Variants in PTGR1 observed in about 807,000 individuals in gnomAD.
PTGR1 encodes the protein 15-oxoprostaglandin 13-reductase.
A neutral mutation model predicts 37.7 loss-of-function variants in PTGR1; 23 were observed. That is an observed-to-expected ratio of 0.61 (90% CI 0.44 to 0.86). The LOEUF (loss-of-function observed/expected upper bound fraction) is 0.86, where lower values mean the gene tolerates loss of function less well. Among genes scored for constraint, PTGR1 ranks in the 40% least tolerant of loss-of-function variants. The pLI is 0.00. For missense variants in PTGR1, 351 were observed against 394.3 expected, an observed-to-expected ratio of 0.89 and a Z score of 0.93; for synonymous variants, 134 against 140.0, an observed-to-expected ratio of 0.96 and a Z score of 0.30.
At chr9:111,588,260 G>C (rs1829502629) in intron 4 of PTGR1, among the ~76,000 whole-genome samples, 1 of 149,138 alleles carries the variant, frequency 6.7e-6, no homozygotes, top group Non-Finnish European at 1.5e-5. Context: ...ACAGTGGCGT[G>C]ATCTCAGCTC....
chr9:111,597,588 T>C (rs1277045820), intron 1 of PTGR1, among the ~76,000 whole-genome samples, 156 bp from the exon 2 acceptor site: 1 of 152,232 alleles, frequency 6.6e-6, no homozygotes, highest in African/African-American at 2.4e-5. Flanking sequence ...ATTTACTATG[T>C]TTCTGGTGCT....
At chr9:111,552,985 G>A (rs1409354454) in intron 9 of PTGR1, among the ~76,000 whole-genome samples, 1 of 152,120 alleles carries the variant, frequency 6.6e-6, no homozygotes, top group Non-Finnish European at 1.5e-5. Flanking sequence ...AGATGCATGT[G>A]TAAGAAGCTA....
chr9:111,568,872 G>A lies in PTGR1; in HGVS notation c.879+1219C>T, dbSNP rs185895444. Among the ~76,000 whole-genome samples, 422 of 152,272 alleles carry A rather than the reference G, an allele frequency of 2.8e-3. 2 individuals carry two copies. Among genetic ancestry groups the A allele is most frequent in the Non-Finnish European group, 4.5e-3 (305 of 68,020 alleles). On this transcript the variant is annotated intron_variant, in intron 9 of 9. Coordinates refer to ENST00000407693, the MANE Select transcript of PTGR1 (RefSeq NM_001146108.2). ...CTAGAAGGCATGGTGCCTGGACCAG[G>A]GTGGTAGCAGGGAGGTGGGAGAAGT...
At chr9:111,576,533 A>C (rs569006170) in intron 7 of PTGR1, 3 of 1,351,204 alleles carry the variant, frequency 2.2e-6, no homozygotes, top group East Asian at 2.3e-5. Flanking sequence ...ATGAATCCCA[A>C]CTCTGGGGGT....
intron 2 of PTGR1, among the ~76,000 whole-genome samples, chr9:111,596,490 C>T (rs1022962179): frequency 3.3e-5 from 5 of 152,154 alleles, no homozygotes; most frequent in Admixed American, 2.6e-4. Flanking sequence ...GTGGCTCACG[C>T]CTGTAATCCC....
chr9:111,559,418 T>TGCCCCTGCC (rs1440961513), downstream of PTGR1, among the ~76,000 whole-genome samples: 29 of 152,142 alleles, frequency 1.9e-4, no homozygotes, highest in African/African-American at 7.0e-4. Flanking sequence ...CAGGCCCTGC[T>TGCCCCTGCC]GCCCCTGCCC....
At chr9:111,556,698 A>C (rs1272811968) in intron 9 of PTGR1, among the ~76,000 whole-genome samples, 1 of 152,170 alleles carries the variant, frequency 6.6e-6, no homozygotes, top group Non-Finnish European at 1.5e-5. Context: ...TGTTGTTCTC[A>C]TGATAGTGAG....
chr9:111,559,830 G>A (rs969581330), downstream of PTGR1, among the ~76,000 whole-genome samples: 3 of 152,068 alleles, frequency 2.0e-5, no homozygotes, highest in African/African-American at 7.2e-5. Context: ...AAGAGGACAC[G>A]GGCAGTGACT....
At chr9:111,554,413 A>G (rs1828061849) in intron 9 of PTGR1, among the ~76,000 whole-genome samples, 1 of 152,162 alleles carries the variant, frequency 6.6e-6, no homozygotes, top group African/African-American at 2.4e-5. Flanking sequence ...GAGCACATAG[A>G]TTATTTCTAC....
chr9:111,592,669 G>A, intron 4 of PTGR1: 1 of 413,382 alleles, frequency 2.4e-6, no homozygotes, highest in Admixed American at 4.1e-5. Context: ...ATCATGACCT[G>A]GACAAATACT....
downstream of PTGR1, among the ~76,000 whole-genome samples, chr9:111,560,972 TATAGAGAGAGAGAGAGAGAGAG>T (rs1469563455): frequency 1.1e-3 from 24 of 21,318 alleles, no homozygotes; most frequent in Admixed American, 2.2e-3. Context: ...TATATATATA[TATAGAGAGAGAGAGAGAGAGAG>T]AGAGAGAGAG....
intron 8 of PTGR1, 85 bp downstream of exon 8, chr9:111,574,649 C>G: frequency 1.3e-6 from 1 of 774,548 alleles, no homozygotes; most frequent in Non-Finnish European, 2.0e-6. Flanking sequence ...CTAATAATTT[C>G]AGAGTCACTG....
Position 111,578,796 on chromosome 9 carries a change from A to G in PTGR1, c.651T>C (p.Asn217=). The G allele has an allele frequency of 1.2e-6, 2 of 1,602,068 alleles. No homozygotes were observed. The highest frequency in any genetic ancestry group is 1.4e-5 in the African/African-American group (1 of 74,004). The change falls in exon 7 of 10, where the codon AAT becomes AAC. Residue 217 remains asparagine (N), a splice_region_variant and synonymous_variant. Coordinates refer to ENST00000407693, the MANE Select transcript of PTGR1 (RefSeq NM_001146108.2). Reference sequence around the variant, plus strand: ...GATATTAAGTCCAGTTTGTACTTACATTATCAAAATAACAATCATAACCAT... The same window carrying G: ...GATATTAAGTCCAGTTTGTACTTACGTTATCAAAATAACAATCATAACCAT... ...SPDGYDCYFD[N]VGGEFSNTVI...
chr9:111,561,332 G>A (rs1486341547), downstream of PTGR1, among the ~76,000 whole-genome samples: 1 of 151,868 alleles, frequency 6.6e-6, no homozygotes, highest in Non-Finnish European at 1.5e-5. Context: ...CTGGAGTGCA[G>A]TGGTACAGTC....
chr9:111,571,634 C>A (rs1006252944), intron 8 of PTGR1, among the ~76,000 whole-genome samples: 1 of 150,924 alleles, frequency 6.6e-6, no homozygotes, highest in Non-Finnish European at 1.5e-5. Context: ...CATGCCACCA[C>A]ACCTGGCTAA....
chr9:111,563,324 A>T, intron 9 of PTGR1, 93 bp from the exon 10 acceptor site: 1 of 1,253,540 alleles, frequency 8.0e-7, no homozygotes, highest in Non-Finnish European at 1.1e-6. Flanking sequence ...CAGGTACATC[A>T]TTGGAAACCT....
At chr9:111,575,823 T>C (rs10115571) in intron 7 of PTGR1, among the ~76,000 whole-genome samples, 44,470 of 152,078 alleles carry the variant, frequency 0.29, 7,897 homozygotes, top group Non-Finnish European at 0.41. Context: ...TAAATATTCA[T>C]GACTCTGAGA....
chr9:111,579,763 T>C (rs1220400419), intron 6 of PTGR1, among the ~76,000 whole-genome samples: 1 of 152,144 alleles, frequency 6.6e-6, no homozygotes, highest in Non-Finnish European at 1.5e-5. Flanking sequence ...AGGCCCCCTT[T>C]ATCCTTTGAT....
At chr9:111,585,896 C>G in intron 5 of PTGR1, 102 bp downstream of exon 5, 2 of 1,345,278 alleles carry the variant, frequency 1.5e-6, no homozygotes, top group Non-Finnish European at 2.1e-6. Flanking sequence ...CTGAGCCTAT[C>G]ATGCATCAAA....
Sources: gnomAD v4.1 joint callset for allele counts (sites outside exome capture counted in the v4.1 genomes callset) on GRCh38, gnomAD v4.1.1 for gene constraint, MANE v1.5 for transcripts, NCBI Gene and HGNC (gene_info 2026-07-23, HGNC 2026-07-21) for gene names.